DDX60L: variants seen among roughly 807,000 people sequenced by gnomAD.
DDX60L encodes probable ATP-dependent RNA helicase DDX60-like.
Under a neutral mutation model 211.6 loss-of-function variants are expected in DDX60L, and 191 were observed. The observed-to-expected ratio is 0.90, with a 90% CI of 0.80 to 1.02. The LOEUF (loss-of-function observed/expected upper bound fraction) is 1.02. Among genes scored for constraint, DDX60L ranks in the 50% least tolerant of loss-of-function variants. DDX60L has a pLI of 0.00. For synonymous variants in DDX60L, 706 were observed against 694.1 expected (o/e 1.02, Z -0.27); for missense variants, 2,007 against 1,984.1 (o/e 1.01, Z -0.22).
In DDX60L at chr4:168,375,537, T is replaced by C; in HGVS notation, c.4486-13A>G. Reference sequence around the variant, plus strand: ...CGGCAAGGATCACCTATGGGCGAAATACATTTCAGAAAGATCTCTTTACTT... The same window carrying C: ...CGGCAAGGATCACCTATGGGCGAAACACATTTCAGAAAGATCTCTTTACTT... On this transcript the variant is annotated splice_polypyrimidine_tract_variant and intron_variant, in intron 33 of 37. Transcript: ENST00000682922. The C allele has an allele frequency of 6.4e-7, 1 of 1,574,328 alleles. No individual in the cohort carries two copies. The highest frequency in any genetic ancestry group is 8.6e-7 in the Non-Finnish European group (1 of 1,163,726).
intron 36 of DDX60L, among the ~76,000 whole-genome samples, chr4:168,369,850 A>G (rs1402338422): frequency 6.6e-6 from 1 of 152,242 alleles, no homozygotes; most frequent in African/African-American, 2.4e-5. Flanking sequence ...TAAAATGCCA[A>G]TCAAAACCAC....
At chr4:168,420,530 G>A (rs1368812233) in intron 17 of DDX60L, 150 bp from the exon 18 acceptor site, 27 of 756,868 alleles carry the variant, frequency 3.6e-5, no homozygotes, top group Middle Eastern at 3.3e-4. Context: ...AATGAAGTAG[G>A]GAAAAATACA....
At chr4:168,409,174 C>A (rs1748252521) in intron 22 of DDX60L, among the ~76,000 whole-genome samples, 1 of 152,132 alleles carries the variant, frequency 6.6e-6, no homozygotes, top group African/African-American at 2.4e-5. Context: ...AGTTACTTTA[C>A]AAAAGTAAAG....
intron 29 of DDX60L, 84 bp downstream of exon 29, chr4:168,391,456 G>A: frequency 1.1e-6 from 1 of 877,708 alleles, no homozygotes; most frequent in Non-Finnish European, 1.9e-6. Flanking sequence ...ACAAACCGTA[G>A]CCTGTTACCA....
chr4:168,436,064 A>G (rs1293017614), intron 10 of DDX60L, among the ~76,000 whole-genome samples: 1 of 152,210 alleles, frequency 6.6e-6, no homozygotes, highest in Non-Finnish European at 1.5e-5. Flanking sequence ...CTCCTACAAT[A>G]AAAAATAAAG....
chr4:168,369,846 G>T (rs887478391), intron 36 of DDX60L, among the ~76,000 whole-genome samples: 1 of 152,086 alleles, frequency 6.6e-6, no homozygotes, highest in Non-Finnish European at 1.5e-5. Context: ...ATCATAAAAT[G>T]CCAATCAAAA....
intron 19 of DDX60L, among the ~76,000 whole-genome samples, chr4:168,418,714 T>C (rs1749978354): frequency 6.6e-6 from 1 of 152,038 alleles, no homozygotes; most frequent in Non-Finnish European, 1.5e-5. Context: ...CCATTCATTT[T>C]GATAATAACA....
chr4:168,449,675 A>AAAAAAAAC (rs1755495612), intron 8 of DDX60L, among the ~76,000 whole-genome samples: 2 of 142,682 alleles, frequency 1.4e-5, no homozygotes, highest in Non-Finnish European at 3.1e-5. Flanking sequence ...AGAAAAAAGA[A>AAAAAAAAC]AAAAATTACT....
chr4:168,438,828 G>A (rs1028565747), intron 10 of DDX60L, among the ~76,000 whole-genome samples: 4 of 152,214 alleles, frequency 2.6e-5, no homozygotes, highest in African/African-American at 9.6e-5. Context: ...TTACAGAAAT[G>A]AGGACTCTAA....
chr4:168,384,576 T>C (rs765532318), intron 30 of DDX60L, 36 bp downstream of exon 30: 3 of 1,612,076 alleles, frequency 1.9e-6, no homozygotes, highest in South Asian at 2.2e-5. Context: ...AGGCCAGTGA[T>C]GAAGACTGAA....
intron 5 of DDX60L, among the ~76,000 whole-genome samples, chr4:168,459,065 A>T (rs1393915798): frequency 6.6e-6 from 1 of 152,234 alleles, no homozygotes; most frequent in Admixed American, 6.5e-5. Context: ...CATATAATAC[A>T]TCTATAATAT....
At chr4:168,459,210 G>T (rs1025946747) in intron 5 of DDX60L, among the ~76,000 whole-genome samples, 1 of 152,082 alleles carries the variant, frequency 6.6e-6, no homozygotes, top group African/African-American at 2.4e-5. Flanking sequence ...AGAAGGCCAG[G>T]CATGATGGCT....
chr4:168,437,242 G>C (rs935488675), intron 10 of DDX60L, among the ~76,000 whole-genome samples: 2 of 152,112 alleles, frequency 1.3e-5, no homozygotes, highest in African/African-American at 4.8e-5. Flanking sequence ...GTTAAGATAA[G>C]GTTATTCTGG....
Position 168,391,662 on chromosome 4 carries a change from A to C in DDX60L, c.3811-18T>G. On this transcript the variant is annotated intron_variant, in intron 28 of 37. Coordinates refer to ENST00000682922, the MANE Select transcript of DDX60L (RefSeq NM_001012967.3). ...GTCACTACCTAGGAAAAAAAAAAAA[A>C]AACAGTCAATACACAATATAGCATA... 2 of 1,408,774 alleles carry C rather than the reference A, an allele frequency of 1.4e-6. No homozygotes were observed. Among genetic ancestry groups the C allele is most frequent in the Non-Finnish European group, 1.9e-6 (2 of 1,030,944 alleles). The allele number at this position is 1,408,774 out of a possible 1,614,324, so 87.3% of individuals were successfully genotyped here. A position where few individuals can be genotyped will look rare whatever the true frequency, so the allele number is the denominator to read the frequency against.
At chr4:168,475,559 T>C (rs578134158) in intron 1 of DDX60L, among the ~76,000 whole-genome samples, 20 of 151,944 alleles carry the variant, frequency 1.3e-4, no homozygotes, top group African/African-American at 4.1e-4. Flanking sequence ...GCTTTGAACA[T>C]TGACAATATA....
In DDX60L at chr4:168,361,183, A is replaced by T; in HGVS notation, c.4957T>A (p.Leu1653Met). The T allele has an allele frequency of 6.2e-7, 1 of 1,608,838 alleles. No homozygotes were observed. The highest frequency in any genetic ancestry group is 8.5e-7 in the Non-Finnish European group (1 of 1,176,188). Reference protein sequence around the residue: ...GMRMGQLLKCLKDFAFNIQAI... With the variant: ...GMRMGQLLKCMKDFAFNIQAI... ...TGAATGTTGAATGCAAAATCTTTCAAACACTTTAAAAGCTGTCCCATACGC... is the reference window on the plus strand; with the variant it reads ...TGAATGTTGAATGCAAAATCTTTCATACACTTTAAAAGCTGTCCCATACGC... Residue 1653 changes from leucine (L) to methionine (M), a missense_variant, in exon 37 of 38, where the codon TTG becomes ATG. By Grantham distance (15) the Leu-to-Met change is conservative (BLOSUM62 2). Transcript: ENST00000682922.
chr4:168,442,496 C>A (rs908146161), intron 9 of DDX60L, among the ~76,000 whole-genome samples: 60 of 152,230 alleles, frequency 3.9e-4, no homozygotes, highest in Admixed American at 1.4e-3. Context: ...ACAAAGCAGC[C>A]TGGAAGCGCG....
At chr4:168,479,412 T>C (rs1443659836) in intron 1 of DDX60L, among the ~76,000 whole-genome samples, 2 of 152,174 alleles carry the variant, frequency 1.3e-5, no homozygotes, top group Non-Finnish European at 2.9e-5. Context: ...GGTCTGTATG[T>C]CGTTGATGTT....
intron 29 of DDX60L, chr4:168,390,536 T>C: frequency 1.4e-6 from 2 of 1,396,534 alleles, no homozygotes; most frequent in Non-Finnish European, 1.9e-6. Context: ...ATGATCTAAA[T>C]TTGAATAAGA....
Sources: allele counts gnomAD v4.1 joint callset (sites outside exome capture counted in the v4.1 genomes callset), GRCh38; gene constraint gnomAD v4.1.1; transcripts MANE v1.5; gene names NCBI Gene and HGNC (gene_info 2026-07-23, HGNC 2026-07-21).